Variants in PCDHA6 observed in about 807,000 individuals in gnomAD.
PCDHA6 encodes the protein protocadherin alpha 6, also known as protocadherin alpha-6.
PCDHA6 carries 55 observed loss-of-function variants against 60.3 expected under a neutral mutation model. The observed-to-expected ratio is 0.91, with a 90% CI of 0.73 to 1.14. The LOEUF (loss-of-function observed/expected upper bound fraction) is 1.14. Among genes scored for constraint, PCDHA6 ranks in the 50% most tolerant of loss-of-function variants. PCDHA6 has a pLI of 0.00. For missense variants in PCDHA6, 1,327 were observed against 1,256.5 expected (o/e 1.06, Z -0.85); for synonymous variants, 652 against 557.9 (o/e 1.17, Z -2.38).
chr5:140,927,624 G>A (rs1554204821), intron 1 of PCDHA6: 3 of 1,614,212 alleles, frequency 1.9e-6, no homozygotes, highest in Non-Finnish European at 2.5e-6. Context: ...AGGTTCCAGA[G>A]ACTGCACCCA....
chr5:140,853,855 T>A, intron 1 of PCDHA6: 1 of 985,872 alleles, frequency 1.0e-6, no homozygotes, highest in Non-Finnish European at 1.2e-6. Flanking sequence ...TAGCCCTATT[T>A]GATACTTGAC....
Position 140,843,942 on chromosome 5 carries a change from A to C in PCDHA6, c.2394+13457A>C, listed in dbSNP as rs1779153148. On this transcript the variant is annotated intron_variant, in intron 1 of 3. Transcript: ENST00000529310. ...TTGAAACTCAAGTTATGGTTGGATG[A>C]TATCCATTTTTTACTGAATATTTAT... 11 of 569,722 alleles carry C rather than the reference A, an allele frequency of 1.9e-5. 1 individual carries two copies. The East Asian group carries it at 3.2e-4, about 17-fold the overall frequency. 35.3% of individuals were successfully genotyped at this position (569,722 alleles called of 1,614,324 possible).
chr5:140,850,964 C>A, intron 1 of PCDHA6: 1 of 1,468,876 alleles, frequency 6.8e-7, no homozygotes, highest in South Asian at 1.4e-5. Context: ...TCCCAGGGGC[C>A]GTTCAAATAG....
chr5:140,851,949 A>T, intron 1 of PCDHA6: 1 of 974,358 alleles, frequency 1.0e-6, no homozygotes, highest in Non-Finnish European at 1.2e-6. Context: ...TGTGACTTTC[A>T]AAATGGTGGT....
At chr5:140,872,207 T>C (rs1372716316) in intron 1 of PCDHA6, among the ~76,000 whole-genome samples, 1 of 152,224 alleles carries the variant, frequency 6.6e-6, no homozygotes, top group African/African-American at 2.4e-5. Flanking sequence ...ATAAATTCAT[T>C]ATATATGAAA....
Position 140,853,860 on chromosome 5 carries a change from C to T in PCDHA6, c.2394+23375C>T, listed in dbSNP as rs2042890748. The T allele has an allele frequency of 9.1e-6, 9 of 984,410 alleles. No individual in the cohort carries two copies. In the South Asian group the frequency reaches 3.3e-4, roughly 36 times the overall value. The allele number at this position is 984,410 out of a possible 1,614,324, so 61.0% of individuals were successfully genotyped here. On this transcript the variant is annotated intron_variant, in intron 1 of 3. Coordinates refer to ENST00000529310, the MANE Select transcript of PCDHA6 (RefSeq NM_018909.4). ...TTTAGATCCATAGCCCTATTTGATA[C>T]TTGACAGTGCAAGTTTCTGTAATTT...
At chr5:140,869,811 C>T (rs1554163508) in intron 1 of PCDHA6, 10 of 1,612,246 alleles carry the variant, frequency 6.2e-6, no homozygotes, top group African/African-American at 2.7e-5. Context: ...TGGATGTCAA[C>T]GACAATGATC....
chr5:140,903,823 G>A (rs1303323584), intron 1 of PCDHA6, among the ~76,000 whole-genome samples: 1 of 152,048 alleles, frequency 6.6e-6, no homozygotes, highest in Non-Finnish European at 1.5e-5. Flanking sequence ...TCACATGAAT[G>A]TCTGTTGGTA....
At chr5:140,960,832 G>T (rs141442734) in intron 1 of PCDHA6, among the ~76,000 whole-genome samples, 1 of 152,230 alleles carries the variant, frequency 6.6e-6, no homozygotes, top group African/African-American at 2.4e-5. Flanking sequence ...TGGAAACTTG[G>T]AACAGGTTTA....
chr5:140,968,737 C>T, intron 1 of PCDHA6: 2 of 1,614,148 alleles, frequency 1.2e-6, no homozygotes, highest in Non-Finnish European at 1.7e-6. Flanking sequence ...GCACTTTCAA[C>T]CTGACCGTGG....
intron 1 of PCDHA6, chr5:140,882,663 T>C (rs782768442): frequency 4.0e-5 from 65 of 1,614,026 alleles, no homozygotes; most frequent in Non-Finnish European, 5.3e-5. Flanking sequence ...AACCCGCCCA[T>C]ATTCCCTGAA....
At chr5:140,976,794 A>T (rs1199342082) in intron 1 of PCDHA6, among the ~76,000 whole-genome samples, 1 of 152,230 alleles carries the variant, frequency 6.6e-6, no homozygotes, top group East Asian at 1.9e-4. Context: ...CTACGCTTTT[A>T]TGAATATCTG....
chr5:140,843,470 C>T (rs2150360769), intron 1 of PCDHA6: 2 of 1,596,070 alleles, frequency 1.3e-6, no homozygotes, highest in South Asian at 2.2e-5. Flanking sequence ...CACGCTGCTG[C>T]TGTACACTGC....
chr5:140,856,246 G>T (rs782761072), intron 1 of PCDHA6: 2 of 1,598,030 alleles, frequency 1.3e-6, no homozygotes, highest in Admixed American at 1.7e-5. Flanking sequence ...TCCGGGTGGC[G>T]TCCAAAAGAC....
chr5:140,829,655 C>T lies in PCDHA6; in HGVS notation c.1564C>T (p.Pro522Ser), dbSNP rs1581885060. ...AESGKVYALQ[P>S]LDHEELELLQ... is the part of the protein sequence containing the mutation. ...GAGCGGCAAGGTGTACGCGCTGCAGCCGCTGGACCACGAGGAGCTAGAGCT... is the reference window on the plus strand; with the variant it reads ...GAGCGGCAAGGTGTACGCGCTGCAGTCGCTGGACCACGAGGAGCTAGAGCT... The change falls in exon 1 of 4, where the codon CCG (proline) becomes TCG (serine). Residue 522 changes from proline to serine, a missense_variant. Pro to Ser is a moderately conservative substitution (Grantham distance 74, BLOSUM62 -1). Coordinates refer to ENST00000529310, the MANE Select transcript of PCDHA6 (RefSeq NM_018909.4). 2 of 1,612,510 alleles carry T rather than the reference C, an allele frequency of 1.2e-6. No individual in the cohort carries two copies. The highest frequency in any genetic ancestry group is 8.5e-7 in the Non-Finnish European group (1 of 1,179,812).
At chr5:140,928,610 C>T (rs935238036) in intron 1 of PCDHA6, 1 of 1,614,254 alleles carries the variant, frequency 6.2e-7, no homozygotes, top group Non-Finnish European at 8.5e-7. Flanking sequence ...GTGCCCCGCT[C>T]TGCCAGGACT....
At chr5:140,980,409 A>C (rs782265012) in intron 2 of PCDHA6, among the ~76,000 whole-genome samples, 3 of 152,188 alleles carry the variant, frequency 2.0e-5, no homozygotes, top group Non-Finnish European at 4.4e-5. Flanking sequence ...AGGTGGGCAG[A>C]TCATGAGGTC....
Position 140,829,771 on chromosome 5 carries a change from C to A in PCDHA6, c.1680C>A (p.Asp560Glu). ...AGGTGTTCGTGCTGGACGAGAACGA[C>A]AACGCGCCGGCGCTGCTGGCGCCTC... The part of the protein sequence containing the change: ...TLQVFVLDEN[D>E]NAPALLAPRV... The change falls in exon 1 of 4, where the codon GAC (aspartate) becomes GAA (glutamate). Residue 560 changes from aspartate (D) to glutamate (E), a missense_variant. Asp to Glu is a conservative substitution (Grantham distance 45). Coordinates refer to ENST00000529310, the MANE Select transcript of PCDHA6 (RefSeq NM_018909.4). The A allele has an allele frequency of 3.1e-6, 5 of 1,613,808 alleles. No individual in the cohort carries two copies. The highest frequency in any genetic ancestry group is 1.7e-4 in the Middle Eastern group (1 of 6,044).
intron 1 of PCDHA6, among the ~76,000 whole-genome samples, chr5:140,942,360 G>A (rs782168150): frequency 4.0e-5 from 6 of 151,816 alleles, no homozygotes; most frequent in Admixed American, 3.3e-4. Context: ...TGCAGTTAAC[G>A]GAGATTGCAC....
Sources: gnomAD v4.1 joint callset for allele counts (sites outside exome capture counted in the v4.1 genomes callset) on GRCh38, gnomAD v4.1.1 for gene constraint, MANE v1.5 for transcripts, NCBI Gene and HGNC (gene_info 2026-07-23, HGNC 2026-07-21) for gene names.